The following RPTOR variants were observed in gnomAD, a reference collection of about 807,000 sequenced individuals.
RPTOR encodes regulatory associated protein of MTOR complex 1.
Under a neutral mutation model 169.9 loss-of-function variants are expected in RPTOR, and 21 were observed. That is an observed-to-expected ratio of 0.12 (90% CI 0.09 to 0.18). The LOEUF is 0.18. RPTOR is among the 10% of genes least tolerant of loss of function. The pLI is 1.00. For synonymous variants in RPTOR, 732 were observed against 753.2 expected (o/e 0.97, Z 0.46); for missense variants, 1,133 against 1,855.9 (o/e 0.61, Z 7.16).
chr17:80,747,350 G>C (rs2066585871), intron 5 of RPTOR, among the ~76,000 whole-genome samples: 1 of 152,222 alleles, frequency 6.6e-6, no homozygotes, highest in African/African-American at 2.4e-5. Context: ...CCTGGGCCTG[G>C]CAGACAGGTA....
rs190913088 is a variant in RPTOR, at chr17:80,896,678, T to C, written c.2401+2813T>C. Among the ~76,000 whole-genome samples the C allele has an allele frequency of 2.9e-3, 440 of 152,286 alleles. 1 individual carries two copies. Among genetic ancestry groups the C allele is most frequent in the South Asian group, 0.016 (75 of 4,832 alleles). ...ACTGTCTTGGCCGCTCTTAGCCCTT[T>C]GCTCTGCTGTATACATTTCACAGTC... On this transcript the variant is annotated intron_variant, in intron 20 of 33. Coordinates refer to ENST00000306801, the MANE Select transcript of RPTOR (RefSeq NM_020761.3).
Position 80,896,795 on chromosome 17 carries a change from C to T in RPTOR, c.2401+2930C>T, listed in dbSNP as rs11871051. ...CCTGGGATGACTGACTTCCTTGCAT[C>T]ATGAGTCTTCCTGCTCCTGAACAGG... On this transcript the variant is annotated intron_variant, in intron 20 of 33. Coordinates refer to ENST00000306801, the MANE Select transcript of RPTOR (RefSeq NM_020761.3). Among the ~76,000 whole-genome samples, 1,212 of 152,322 alleles carry T rather than the reference C, an allele frequency of 8.0e-3. 15 individuals are homozygous for T. The highest frequency in any genetic ancestry group is 0.027 in the African/African-American group (1,105 of 41,566).
rs116048536 is a variant in RPTOR, at chr17:80,760,720, G to A, written c.830+6535G>A. Among the ~76,000 whole-genome samples, 8 of 152,172 alleles carry A rather than the reference G, an allele frequency of 5.3e-5. No homozygotes were observed. The East Asian group carries it at 5.8e-4, about 11-fold the overall frequency. On this transcript the variant is annotated intron_variant, in intron 6 of 33. Coordinates refer to ENST00000306801, the MANE Select transcript of RPTOR (RefSeq NM_020761.3). Reference sequence around the variant, plus strand: ...ATTGGGCTGCAGATGACGGCTGTGCGTGTCTGCCGGTCTGCAGGTGACCTG... The same window carrying A: ...ATTGGGCTGCAGATGACGGCTGTGCATGTCTGCCGGTCTGCAGGTGACCTG...
In RPTOR at chr17:80,861,944, G is replaced by A. The variant is rs1381339854; in HGVS notation, c.1509+4044G>A. 6.6e-6 allele frequency among the ~76,000 whole-genome samples: 1 copy of A among 152,178 alleles called. No homozygotes were observed. Among genetic ancestry groups the A allele is most frequent in the African/African-American group, 2.4e-5 (1 of 41,446 alleles). Reference sequence around the variant, plus strand: ...ATGGTATTGCAGTGCAGGGCGTCTTGTTTAAAACTGGCTCTTGGTCCCGTG... The same window carrying A: ...ATGGTATTGCAGTGCAGGGCGTCTTATTTAAAACTGGCTCTTGGTCCCGTG... On this transcript the variant is annotated intron_variant, in intron 13 of 33. Coordinates refer to ENST00000306801, the MANE Select transcript of RPTOR (RefSeq NM_020761.3). The surrounding 1 kb of genome is among the most constrained non-coding windows in gnomAD (Gnocchi z 4.5).
intron 21 of RPTOR, among the ~76,000 whole-genome samples, chr17:80,919,847 T>A (rs1413817947): frequency 6.6e-6 from 1 of 152,244 alleles, no homozygotes; most frequent in Non-Finnish European, 1.5e-5. Flanking sequence ...CCGTCCTCTC[T>A]GGACGCAGAC....
chr17:80,960,223 T>TCTCC lies in RPTOR; in HGVS notation c.3605+24_3605+27dup. ...AGCGAATGGTACCTTGACCCTGTCC[T>TCTCC]CTCCCTCCCCGAGTGCTGGCAGGGT... On this transcript the variant is annotated intron_variant, in intron 30 of 33. Transcript: ENST00000306801. This position sits in a 1 kb window ranked among gnomAD's most constrained non-coding sequence, Gnocchi z 4.8. The TCTCC allele has an allele frequency of 6.2e-7, 1 of 1,612,816 alleles. No individual in the cohort carries two copies. The highest frequency in any genetic ancestry group is 8.5e-7 in the Non-Finnish European group (1 of 1,179,584).
intron 4 of RPTOR, among the ~76,000 whole-genome samples, chr17:80,727,626 A>G (rs1034159563): frequency 6.6e-6 from 1 of 152,252 alleles, no homozygotes; most frequent in Non-Finnish European, 1.5e-5. Context: ...CGCGCTGGCC[A>G]GAATTTGGCT....
chr17:80,733,790 A>T (rs1003636900), intron 5 of RPTOR, among the ~76,000 whole-genome samples: 4 of 152,212 alleles, frequency 2.6e-5, no homozygotes, highest in African/African-American at 7.2e-5. Flanking sequence ...GTCACTCACG[A>T]CGCCTTCTTG....
intron 6 of RPTOR, among the ~76,000 whole-genome samples, chr17:80,777,015 G>A (rs1157605916): frequency 6.6e-6 from 1 of 152,180 alleles, no homozygotes; most frequent in East Asian, 1.9e-4. Context: ...GAGGTGGGCA[G>A]ATTACCTGAG....
At chr17:80,591,122 G>T (rs1014517231) in intron 1 of RPTOR, among the ~76,000 whole-genome samples, 2 of 146,680 alleles carry the variant, frequency 1.4e-5, no homozygotes, top group East Asian at 2.0e-4. Context: ...ATTCTGTACC[G>T]TGGTTTTGCC....
chr17:80,950,389 A>G (rs2069159808), intron 28 of RPTOR, among the ~76,000 whole-genome samples: 1 of 152,018 alleles, frequency 6.6e-6, no homozygotes, highest in Admixed American at 6.6e-5. Context: ...CCTAGGTTGC[A>G]TGGCTCTGTC....
chr17:80,698,464 C>A (rs951602666), intron 3 of RPTOR, among the ~76,000 whole-genome samples: 8 of 152,204 alleles, frequency 5.3e-5, no homozygotes, highest in Non-Finnish European at 1.0e-4. Flanking sequence ...ATGGCCTGCT[C>A]CCCGGGGGCC....
chr17:80,733,699 T>A (rs1002564325), intron 5 of RPTOR, among the ~76,000 whole-genome samples: 73 of 151,820 alleles, frequency 4.8e-4, no homozygotes, highest in African/African-American at 1.7e-3. Flanking sequence ...ATGTGTAGAT[T>A]ACATGCTGGT....
chr17:80,627,263 A>C (rs1353852566), intron 2 of RPTOR, among the ~76,000 whole-genome samples: 1 of 152,136 alleles, frequency 6.6e-6, no homozygotes, highest in African/African-American at 2.4e-5. Flanking sequence ...TAGGTGATCC[A>C]CCCGCCTTGG....
intron 24 of RPTOR, among the ~76,000 whole-genome samples, chr17:80,932,856 T>A (rs1338096819): frequency 6.6e-6 from 1 of 152,106 alleles, no homozygotes; most frequent in Admixed American, 6.6e-5. Flanking sequence ...GACACATATC[T>A]AAGCCACCAC....
In RPTOR at chr17:80,674,797, A is replaced by C. The variant is rs1384603927; in HGVS notation, c.348+30987A>C. 5.0e-3 allele frequency among the ~76,000 whole-genome samples: 240 copies of C among 47,728 alleles called. 6 individuals are homozygous for C. The highest frequency in any genetic ancestry group is 0.018 in the African/African-American group (232 of 12,740). The allele number at this position is 47,728 out of a possible 152,430, so 31.3% of individuals were successfully genotyped here. On this transcript the variant is annotated intron_variant, in intron 3 of 33. Transcript: ENST00000306801. ...AGCAAGACTCTGTCTCAAAAAAAAA[A>C]AAAAAAAAAAAAAAAAAAAAAAAAA...
At chr17:80,757,661 G>A (rs563189997) in intron 6 of RPTOR, among the ~76,000 whole-genome samples, 1 of 152,026 alleles carries the variant, frequency 6.6e-6, no homozygotes, top group East Asian at 1.9e-4. Flanking sequence ...ACCTGTATAC[G>A]ATGCATTAAT....
At chr17:80,674,787 CAAAAAAAAAAAAAAAAAAAAAA>C (rs9319608) in intron 3 of RPTOR, among the ~76,000 whole-genome samples, 15 of 89,974 alleles carry the variant, frequency 1.7e-4, no homozygotes, top group African/African-American at 5.3e-4. Context: ...GACTCTGTCT[CAAAAAAAAAAAAAAAAAAAAAA>C]AAAAAAAAAA....
chr17:80,958,649 G>A (rs777124498), intron 29 of RPTOR, among the ~76,000 whole-genome samples: 11 of 152,008 alleles, frequency 7.2e-5, no homozygotes, highest in Non-Finnish European at 1.6e-4. Flanking sequence ...TCCTGACCTC[G>A]TGATCCGCCC....
Sources: gnomAD v4.1 joint callset for allele counts (sites outside exome capture counted in the v4.1 genomes callset) on GRCh38, gnomAD v4.1.1 for gene constraint, Gnocchi (gnomAD v3.1) non-coding constraint, MANE v1.5 for transcripts, NCBI Gene and HGNC (gene_info 2026-07-23, HGNC 2026-07-21) for gene names.